Variants in WDFY3 observed in about 807,000 individuals in gnomAD.
WDFY3 encodes WD repeat and FYVE domain-containing protein 3.
WDFY3 carries 66 observed loss-of-function variants against 409.6 expected under a neutral mutation model. The ratio of observed to expected loss-of-function variants is 0.16; its 90% CI spans 0.13 to 0.20. WDFY3 has a LOEUF of 0.20. WDFY3 is among the 10% of genes least tolerant of loss of function. WDFY3 has a pLI of 1.00. For missense variants in WDFY3, 3,031 were observed against 4,298.1 expected (o/e 0.71, Z 8.24); for synonymous variants, 1,521 against 1,537.1 (o/e 0.99, Z 0.25).
At chr4:84,925,471 A>C (rs1320008900) in intron 2 of WDFY3, among the ~76,000 whole-genome samples, 1 of 152,208 alleles carries the variant, frequency 6.6e-6, no homozygotes, top group Non-Finnish European at 1.5e-5. Context: ...GTATTATTAA[A>C]AAAGAAAGGA....
At chr4:84,893,474 G>A (rs777616165) in intron 3 of WDFY3, among the ~76,000 whole-genome samples, 27 of 152,104 alleles carry the variant, frequency 1.8e-4, no homozygotes, top group Non-Finnish European at 2.9e-4. Context: ...TTTTTGTTAT[G>A]TTCAGTTAGC....
chr4:84,796,225 T>A (rs1045242182), intron 19 of WDFY3, among the ~76,000 whole-genome samples: 14 of 145,642 alleles, frequency 9.6e-5, no homozygotes, highest in African/African-American at 1.8e-4. Context: ...TGTTTTCCAA[T>A]AAAACTTCAT....
chr4:84,921,646 ATTTTTTTTTTTTTTTT>A (rs747576197), intron 2 of WDFY3, among the ~76,000 whole-genome samples: 1 of 78,674 alleles, frequency 1.3e-5, no homozygotes, highest in South Asian at 4.2e-4. Context: ...TATTGCTTTC[ATTTTTTTTTTTTTTTT>A]TTTTTTTTTT....
At chr4:84,737,470 C>G in intron 40 of WDFY3, 104 bp from the exon 41 acceptor site, 1 of 1,299,448 alleles carries the variant, frequency 7.7e-7, no homozygotes, top group South Asian at 1.8e-5. Context: ...GGAATTTCGA[C>G]TACAGTATTT....
chr4:84,882,502 T>C (rs1162080342), intron 3 of WDFY3, among the ~76,000 whole-genome samples: 5 of 152,126 alleles, frequency 3.3e-5, no homozygotes, highest in African/African-American at 1.2e-4. Flanking sequence ...AATTCCTCTA[T>C]TCAAATTATT....
intron 62 of WDFY3, among the ~76,000 whole-genome samples, chr4:84,685,352 G>GCTCCTTGCTC (rs1728134469): frequency 4.6e-5 from 7 of 152,268 alleles, no homozygotes; most frequent in Admixed American, 4.6e-4. Context: ...TGCTACTGCT[G>GCTCCTTGCTC]CTCCTTGCTC....
chr4:84,716,790 C>T, intron 49 of WDFY3, 106 bp downstream of exon 49: 4 of 978,576 alleles, frequency 4.1e-6, no homozygotes, highest in South Asian at 8.3e-5. Flanking sequence ...CAGAGTGAGA[C>T]TCTGTCTCAA....
chr4:84,841,868 T>C (rs1272869001), intron 5 of WDFY3, among the ~76,000 whole-genome samples: 6 of 152,094 alleles, frequency 3.9e-5, no homozygotes, highest in Non-Finnish European at 7.4e-5. Context: ...ACTAAGACTA[T>C]TAATCTAGTA....
intron 56 of WDFY3, 49 bp downstream of exon 56, chr4:84,702,304 G>A (rs751434759): frequency 6.7e-7 from 1 of 1,500,586 alleles, no homozygotes; most frequent in South Asian, 1.4e-5. Flanking sequence ...TATTTCTATT[G>A]GACTTTTCCT....
At chr4:84,820,988 A>G in intron 11 of WDFY3, 96 bp downstream of exon 11, 1 of 1,214,644 alleles carries the variant, frequency 8.2e-7, no homozygotes, top group Non-Finnish European at 1.1e-6. Flanking sequence ...TTAGGAAGTC[A>G]TTGAAATCAA....
At chr4:84,819,543 G>A (rs1186928400) in intron 12 of WDFY3, among the ~76,000 whole-genome samples, 2 of 152,048 alleles carry the variant, frequency 1.3e-5, no homozygotes, top group East Asian at 1.9e-4. Context: ...AAAAGCAAGA[G>A]TGATATTTTA....
Position 84,678,953 on chromosome 4 carries a change from G to A in WDFY3, c.10113C>T (p.Pro3371=). Residue 3371 remains proline, a synonymous_variant, in exon 65 of 68, where the codon CCC becomes CCT. Coordinates refer to ENST00000295888, the MANE Select transcript of WDFY3 (RefSeq NM_014991.6). ...ATCTGCTGTAATTCCGCACCTCAAT[G>A]GGATTGGGGTGGGGGTGGCTAAGGG... ...QGPLSHPHPN[P]IEVRNYSRLK... The A allele has an allele frequency of 6.2e-7, 1 of 1,613,900 alleles. No individual in the cohort carries two copies.
chr4:84,755,755 A>G (rs1301836976), intron 33 of WDFY3, among the ~76,000 whole-genome samples: 1 of 152,212 alleles, frequency 6.6e-6, no homozygotes. Context: ...AACAAAGCAC[A>G]TTAAGCTCAC....
chr4:84,807,593 G>T (rs1406342450), intron 15 of WDFY3, among the ~76,000 whole-genome samples: 1 of 152,122 alleles, frequency 6.6e-6, no homozygotes, highest in African/African-American at 2.4e-5. Context: ...CTTATTTTTG[G>T]TTATGAGGAA....
At chr4:84,677,441 G>T in intron 66 of WDFY3, 45 bp from the exon 67 acceptor site, 1 of 1,506,604 alleles carries the variant, frequency 6.6e-7, no homozygotes, top group South Asian at 1.3e-5. Context: ...GAAGGCTTCT[G>T]TGATCTCCTT....
In WDFY3 at chr4:84,741,919, C is replaced by T. The variant is rs1283691377; in HGVS notation, c.6076G>A (p.Glu2026Lys). 4 of 1,575,414 alleles carry T rather than the reference C, an allele frequency of 2.5e-6. No individual in the cohort carries two copies. Among genetic ancestry groups the T allele is most frequent in the Non-Finnish European group, 3.5e-6 (4 of 1,155,674 alleles). Residue 2026 changes from glutamate to lysine, a missense_variant and splice_region_variant, in exon 38 of 68, where the codon GAA becomes AAA. Physicochemically the swap from Glu to Lys is moderately conservative, Grantham distance 56 (BLOSUM62 1). This residue lies in a region of WDFY3 where 314 missense variants were observed against 397.4 expected (regional missense o/e 0.79). Transcript: ENST00000295888. ...HLLAADVLLG[E>K]DASLPITSGG... ...CTGGTAATAGGCAGAGATGCATCTT[C>T]CCCTAAATTCCAGTAGGAAAAAAAG...
intron 33 of WDFY3, among the ~76,000 whole-genome samples, chr4:84,755,729 T>G (rs985644051): frequency 6.6e-6 from 1 of 152,212 alleles, no homozygotes; most frequent in Admixed American, 6.5e-5. Context: ...CAAATAAATT[T>G]AAGCAAGATC....
intron 2 of WDFY3, among the ~76,000 whole-genome samples, chr4:84,911,840 T>C (rs1338639733): frequency 6.6e-6 from 1 of 152,246 alleles, no homozygotes; most frequent in African/African-American, 2.4e-5. Flanking sequence ...ATGCACAGAC[T>C]GTAGTACATG....
At chr4:84,850,506 G>A (rs1375468492) in intron 4 of WDFY3, among the ~76,000 whole-genome samples, 2 of 151,984 alleles carry the variant, frequency 1.3e-5, no homozygotes, top group Non-Finnish European at 2.9e-5. Flanking sequence ...TAGTAGAGAT[G>A]GGGTTTCACC....
Sources: gnomAD v4.1 joint callset for allele counts (sites outside exome capture counted in the v4.1 genomes callset) on GRCh38, gnomAD v4.1.1 for gene constraint, gnomAD v4.1.1 regional missense constraint, MANE v1.5 for transcripts, NCBI Gene and HGNC (gene_info 2026-07-23, HGNC 2026-07-21) for gene names.